Variants in ZDHHC14 observed in about 807,000 individuals in gnomAD.
The protein encoded by ZDHHC14 is palmitoyltransferase ZDHHC14.
Under a neutral mutation model 47.7 loss-of-function variants are expected in ZDHHC14, and 16 were observed. The observed-to-expected ratio is 0.34, with a 90% CI of 0.23 to 0.51. The LOEUF is 0.51. Ranked by LOEUF, ZDHHC14 falls within the 20% of genes least tolerant of loss-of-function variation. ZDHHC14 has a pLI of 0.97. For synonymous variants in ZDHHC14, 293 were observed against 278.9 expected, an observed-to-expected ratio of 1.05 and a Z score of -0.50; for missense variants, 515 against 662.5, an observed-to-expected ratio of 0.78 and a Z score of 2.44.
At chr6:157,457,129 G>A (rs1418059162) in intron 1 of ZDHHC14, among the ~76,000 whole-genome samples, 1 of 148,794 alleles carries the variant, frequency 6.7e-6, no homozygotes, top group East Asian at 2.0e-4. Context: ...AGCCGAGATT[G>A]CACCATTGCA....
intron 3 of ZDHHC14, among the ~76,000 whole-genome samples, chr6:157,602,485 G>A (rs1283690935): frequency 2.1e-5 from 2 of 96,948 alleles, no homozygotes. Flanking sequence ...GCAAGACTCC[G>A]TTTCAAAAAA....
intron 1 of ZDHHC14, among the ~76,000 whole-genome samples, chr6:157,443,926 G>T (rs985890613): frequency 1.3e-5 from 2 of 152,168 alleles, no homozygotes; most frequent in Admixed American, 1.3e-4. Context: ...TCAGAACAGA[G>T]CCTAGTGTAC....
chr6:157,566,976 G>T (rs777252550), intron 2 of ZDHHC14, among the ~76,000 whole-genome samples: 3 of 151,546 alleles, frequency 2.0e-5, no homozygotes, highest in Non-Finnish European at 2.9e-5. Flanking sequence ...TCAGCCTCCA[G>T]AGTAGCTGGG....
intron 5 of ZDHHC14, among the ~76,000 whole-genome samples, chr6:157,637,096 A>C (rs1310312972): frequency 1.3e-5 from 2 of 152,196 alleles, no homozygotes; most frequent in African/African-American, 2.4e-5. Flanking sequence ...TTTTGAAAAA[A>C]CATTAGTTCT....
chr6:157,651,088 C>T (rs1294616023), intron 7 of ZDHHC14, among the ~76,000 whole-genome samples: 2 of 152,212 alleles, frequency 1.3e-5, no homozygotes, highest in Non-Finnish European at 2.9e-5. Context: ...TGGGCTGAGT[C>T]CTGTAGTAGT....
chr6:157,444,035 A>G (rs1230035292), intron 1 of ZDHHC14, among the ~76,000 whole-genome samples: 1 of 152,256 alleles, frequency 6.6e-6, no homozygotes, highest in Non-Finnish European at 1.5e-5. Flanking sequence ...CATTGCACTA[A>G]GTCTTTATGT....
At chr6:157,604,077 A>G (rs1372379992) in intron 3 of ZDHHC14, among the ~76,000 whole-genome samples, 3 of 152,178 alleles carry the variant, frequency 2.0e-5, no homozygotes, top group Non-Finnish European at 4.4e-5. Context: ...GCTTGAGCCC[A>G]GGAGTTCAAG....
At chr6:157,663,534 T>C (rs913775686) in intron 8 of ZDHHC14, among the ~76,000 whole-genome samples, 1 of 152,248 alleles carries the variant, frequency 6.6e-6, no homozygotes, top group African/African-American at 2.4e-5. Context: ...CCATTGTGTC[T>C]CATCAACAGG....
intron 1 of ZDHHC14, among the ~76,000 whole-genome samples, chr6:157,481,846 C>G (rs1779638220): frequency 6.6e-6 from 1 of 152,104 alleles, no homozygotes. Flanking sequence ...ACCTACCTAC[C>G]TACCTACATA....
At chr6:157,574,282 G>T (rs9406305) in intron 2 of ZDHHC14, among the ~76,000 whole-genome samples, 28,808 of 151,930 alleles carry the variant, frequency 0.19, 3,473 homozygotes, top group East Asian at 0.51. Context: ...AATTAGCTGA[G>T]CATGGTGGTG....
At chr6:157,642,377 G>T (rs904472050) in intron 5 of ZDHHC14, among the ~76,000 whole-genome samples, 1 of 152,240 alleles carries the variant, frequency 6.6e-6, no homozygotes, top group Non-Finnish European at 1.5e-5. Flanking sequence ...CCAGTGCAGG[G>T]CTGGGTGCAT....
chr6:157,544,613 G>C (rs1324227622), intron 2 of ZDHHC14, among the ~76,000 whole-genome samples: 3 of 152,138 alleles, frequency 2.0e-5, no homozygotes, highest in Admixed American at 2.0e-4. Flanking sequence ...TGGTGCCACT[G>C]CACTCCAGCC....
At chr6:157,492,322 C>T (rs1044846284) in intron 1 of ZDHHC14, among the ~76,000 whole-genome samples, 3 of 152,158 alleles carry the variant, frequency 2.0e-5, no homozygotes, top group Non-Finnish European at 4.4e-5. Context: ...GTTCCAGCCA[C>T]CTTGCCCTTC....
intron 1 of ZDHHC14, among the ~76,000 whole-genome samples, chr6:157,489,364 A>C (rs1779857066): frequency 6.6e-6 from 1 of 152,168 alleles, no homozygotes; most frequent in Admixed American, 6.5e-5. Context: ...AATCCCGACA[A>C]GAAGTGTTGG....
chr6:157,561,212 T>C (rs546939087), intron 2 of ZDHHC14, among the ~76,000 whole-genome samples: 1 of 150,774 alleles, frequency 6.6e-6, no homozygotes, highest in East Asian at 1.9e-4. Context: ...GAAAACAATC[T>C]ATCCCGTGTG....
At chr6:157,601,600 G>A (rs139276974) in intron 3 of ZDHHC14, among the ~76,000 whole-genome samples, 2,573 of 152,134 alleles carry the variant, frequency 0.017, 68 homozygotes, top group African/African-American at 0.046. Context: ...ATTATGAGTC[G>A]GGGGGCAAGA....
At chr6:157,647,440 C>A in intron 7 of ZDHHC14, 72 bp downstream of exon 7, 6 of 1,233,390 alleles carry the variant, frequency 4.9e-6, no homozygotes, top group Non-Finnish European at 5.8e-6. Flanking sequence ...TAGCACAGGC[C>A]GCCCGCCCTG....
At chr6:157,585,947 C>T (rs1017374603) in intron 2 of ZDHHC14, among the ~76,000 whole-genome samples, 5 of 152,194 alleles carry the variant, frequency 3.3e-5, no homozygotes, top group African/African-American at 4.8e-5. Context: ...GGCTGTGATT[C>T]CCAGGCAGGG....
chr6:157,458,849 A>ATGTTTTTTTTTTTTTTTTTT (rs1778991333), intron 1 of ZDHHC14, among the ~76,000 whole-genome samples: 3 of 81,222 alleles, frequency 3.7e-5, no homozygotes, highest in Admixed American at 1.7e-4. Context: ...ATGTGGGTGG[A>ATGTTTTTTTTTTTTTTTTTT]TTTTTTTTTT....
Sources: gnomAD v4.1 joint callset for allele counts (sites outside exome capture counted in the v4.1 genomes callset) on GRCh38, gnomAD v4.1.1 for gene constraint, MANE v1.5 for transcripts, NCBI Gene and HGNC (gene_info 2026-07-23, HGNC 2026-07-21) for gene names.